DMRT1: variants seen among roughly 807,000 people sequenced by gnomAD.
DMRT1 encodes the protein doublesex- and mab-3-related transcription factor 1.
Under a neutral mutation model 32.3 loss-of-function variants are expected in DMRT1, and 7 were observed. The observed-to-expected ratio is 0.22, with a 90% CI of 0.12 to 0.41. The LOEUF is 0.41. Ranked by LOEUF, DMRT1 falls within the 10% of genes least tolerant of loss-of-function variation. DMRT1 has a pLI of 1.00. For missense variants in DMRT1, 625 were observed against 500.5 expected (o/e 1.25, Z -2.37); for synonymous variants, 278 against 206.1 (o/e 1.35, Z -2.99).
At chr9:923,353 G>A (rs911495256) in intron 4 of DMRT1, among the ~76,000 whole-genome samples, 1 of 152,168 alleles carries the variant, frequency 6.6e-6, no homozygotes, top group African/African-American at 2.4e-5. Context: ...AATTCTGTAC[G>A]TGGAATCTGA....
At chr9:848,323 C>T (rs1021519701) in intron 2 of DMRT1, among the ~76,000 whole-genome samples, 1 of 151,988 alleles carries the variant, frequency 6.6e-6, no homozygotes, top group African/African-American at 2.4e-5. Flanking sequence ...TCTTAAAGAT[C>T]TTATGAATCT....
chr9:842,361 A>G, intron 1 of DMRT1, 169 bp downstream of exon 1: 1 of 860,714 alleles, frequency 1.2e-6, no homozygotes, highest in Non-Finnish European at 1.7e-6. Context: ...CAGCCTCCCA[A>G]GTAGCTGGGA....
chr9:935,447 C>T (rs1207893995), intron 4 of DMRT1, among the ~76,000 whole-genome samples: 1 of 152,162 alleles, frequency 6.6e-6, no homozygotes, highest in Admixed American at 6.5e-5. Context: ...GTGTAATTGC[C>T]GGAGGGGACA....
intron 4 of DMRT1, among the ~76,000 whole-genome samples, chr9:918,508 AAG>A (rs2129785012): frequency 6.6e-6 from 1 of 152,326 alleles, no homozygotes; most frequent in South Asian, 2.1e-4. Flanking sequence ...CTCAGAAGGA[AAG>A]AGGTTACAGT....
At chr9:934,484 T>C (rs953350764) in intron 4 of DMRT1, among the ~76,000 whole-genome samples, 7 of 152,160 alleles carry the variant, frequency 4.6e-5, no homozygotes, top group African/African-American at 1.7e-4. Flanking sequence ...TGAGCTGTAA[T>C]CACACCAGCG....
At chr9:866,692 G>T (rs1816007709) in intron 2 of DMRT1, among the ~76,000 whole-genome samples, 1 of 152,172 alleles carries the variant, frequency 6.6e-6, no homozygotes, top group South Asian at 2.1e-4. Context: ...GTATGTACAC[G>T]GTGCATAATT....
intron 2 of DMRT1, among the ~76,000 whole-genome samples, chr9:872,208 C>T (rs1816299427): frequency 6.6e-6 from 1 of 150,972 alleles, no homozygotes; most frequent in Non-Finnish European, 1.5e-5. Context: ...ATTACAGGCG[C>T]CCGCCACCAT....
chr9:896,467 C>A (rs1276574282), intron 3 of DMRT1, among the ~76,000 whole-genome samples: 3 of 151,828 alleles, frequency 2.0e-5, no homozygotes, highest in African/African-American at 7.3e-5. Flanking sequence ...TTTATTTCCT[C>A]CACCTCGAGC....
rs143259202 is a variant in DMRT1 at position 954,090 on chromosome 9, A to C, written c.968-13895A>C. On this transcript the variant is annotated intron_variant, in intron 4 of 4. Transcript: ENST00000382276. ...CTGGCATGAACTCAGCATCAAAGGC[A>C]GGGGACCTTAGAGGTCTGTGCAGGC... 4.7e-3 allele frequency among the ~76,000 whole-genome samples: 711 copies of C among 152,264 alleles called. 4 individuals are homozygous for C. Among genetic ancestry groups the C allele is most frequent in the Non-Finnish European group, 6.3e-3 (426 of 68,010 alleles).
chr9:893,356 G>C (rs1288817321), intron 2 of DMRT1, among the ~76,000 whole-genome samples: 1 of 152,218 alleles, frequency 6.6e-6, no homozygotes, highest in African/African-American at 2.4e-5. Flanking sequence ...AGCAGTGATT[G>C]AATAGTTGAC....
At chr9:958,686 A>C (rs1469378427) in intron 4 of DMRT1, among the ~76,000 whole-genome samples, 2 of 152,208 alleles carry the variant, frequency 1.3e-5, no homozygotes, top group African/African-American at 4.8e-5. Flanking sequence ...TTTTAAATGA[A>C]AAACTTTCTA....
chr9:854,112 AT>A (rs61696723), intron 2 of DMRT1, among the ~76,000 whole-genome samples: 13,891 of 146,838 alleles, frequency 0.095, 2,059 homozygotes, highest in African/African-American at 0.32. Context: ...CACTAAGCCC[AT>A]TTTTTTTTTT....
intron 4 of DMRT1, among the ~76,000 whole-genome samples, chr9:961,906 A>G (rs1819785758): frequency 6.6e-6 from 1 of 152,178 alleles, no homozygotes. Flanking sequence ...CTTTTCACAG[A>G]TGGAGAAACT....
chr9:852,661 C>T (rs1389080309), intron 2 of DMRT1, among the ~76,000 whole-genome samples: 2 of 152,120 alleles, frequency 1.3e-5, no homozygotes, highest in African/African-American at 4.8e-5. Context: ...TTTGTAAGGA[C>T]CTGAATGTTA....
At position 968,937 on chromosome 9, in the gene DMRT1, T is replaced by A. The variant is rs1820022809; in HGVS notation, c.*798T>A. The A allele has an allele frequency of 6.6e-6, 1 of 152,660 alleles. No homozygotes were observed. The highest frequency in any genetic ancestry group is 6.5e-5 in the Admixed American group (1 of 15,290). The allele number at this position is 152,660 out of a possible 1,614,324, so 9.5% of individuals were successfully genotyped here. A position where few individuals can be genotyped will look rare whatever the true frequency, so the allele number is the denominator to read the frequency against. ...TGGAAATAAGTACATCTTTAAAAGTTGCTACAGATTTGAGTTCATGATTTT... is the reference window on the plus strand; with the variant it reads ...TGGAAATAAGTACATCTTTAAAAGTAGCTACAGATTTGAGTTCATGATTTT... On this transcript the variant is annotated 3_prime_UTR_variant, in exon 5 of 5. Transcript: ENST00000382276.
At chr9:915,551 C>T (rs1009951986) in intron 3 of DMRT1, among the ~76,000 whole-genome samples, 2 of 152,056 alleles carry the variant, frequency 1.3e-5, no homozygotes, top group African/African-American at 4.8e-5. Flanking sequence ...TTTTGCTCTG[C>T]CCCATGTGTC....
At chr9:872,997 C>T (rs1253579408) in intron 2 of DMRT1, among the ~76,000 whole-genome samples, 1 of 152,234 alleles carries the variant, frequency 6.6e-6, no homozygotes, top group Non-Finnish European at 1.5e-5. Context: ...ATTCACATGC[C>T]AGTGTCTTTC....
intron 2 of DMRT1, among the ~76,000 whole-genome samples, chr9:879,238 G>A (rs534300205): frequency 2.6e-5 from 4 of 152,154 alleles, no homozygotes; most frequent in Admixed American, 6.5e-5. Context: ...GACCTCAAGA[G>A]CTTTTATTTA....
chr9:927,386 C>T (rs957094104), intron 4 of DMRT1, among the ~76,000 whole-genome samples: 18 of 152,304 alleles, frequency 1.2e-4, no homozygotes, highest in Middle Eastern at 6.8e-3. Context: ...AAATACACCT[C>T]GCTGCAATGT....
Sources: gnomAD v4.1 joint callset for allele counts (sites outside exome capture counted in the v4.1 genomes callset) on GRCh38, gnomAD v4.1.1 for gene constraint, MANE v1.5 for transcripts, NCBI Gene and HGNC (gene_info 2026-07-23, HGNC 2026-07-21) for gene names.